Variants in PRR16 observed in about 807,000 individuals in gnomAD.
PRR16 encodes the protein proline rich 16, also known as protein Largen.
In PRR16, 6 loss-of-function variants were observed where a neutral mutation model predicts 18.2. The ratio of observed to expected loss-of-function variants is 0.33; its 90% CI spans 0.18 to 0.65. The LOEUF (loss-of-function observed/expected upper bound fraction) is 0.65, where lower values mean the gene tolerates loss of function less well. PRR16 is among the 30% of genes least tolerant of loss of function. The probability of loss-of-function intolerance (pLI) is 0.74; values close to 1 mark genes in which losing one functional copy is unlikely to be tolerated. For missense variants in PRR16, 412 were observed against 376.6 expected (o/e 1.09, Z -0.78); for synonymous variants, 151 against 147.8 (o/e 1.02, Z -0.16).
chr5:120,745,453 T>A, the PRR16 span, among the ~76,000 whole-genome samples: 3 of 152,140 alleles, frequency 2.0e-5, no homozygotes, highest in Non-Finnish European at 4.4e-5. Flanking sequence ...TTTAGCAGAT[T>A]TTTTCAGGAT....
At chr5:120,766,467 T>A in the PRR16 span, among the ~76,000 whole-genome samples, 1 of 151,864 alleles carries the variant, frequency 6.6e-6, no homozygotes, top group African/African-American at 2.4e-5. Flanking sequence ...ATGCACATAG[T>A]TTTGACACAC....
chr5:120,480,064 C>G (rs1023599443), intron 1 of PRR16, among the ~76,000 whole-genome samples: 1 of 152,182 alleles, frequency 6.6e-6, no homozygotes, highest in African/African-American at 2.4e-5. Flanking sequence ...GATACTGAAA[C>G]CTTATTCATA....
intron 1 of PRR16, among the ~76,000 whole-genome samples, chr5:120,612,593 T>G (rs1049422133): frequency 1.3e-5 from 2 of 152,256 alleles, no homozygotes; most frequent in East Asian, 3.9e-4. Flanking sequence ...GCCACCACCA[T>G]GTAAGAAGTG....
At chr5:120,737,006 TAG>T in the PRR16 span, among the ~76,000 whole-genome samples, 2 of 152,162 alleles carry the variant, frequency 1.3e-5, no homozygotes, top group African/African-American at 4.8e-5. Flanking sequence ...GAGAGATCTT[TAG>T]AGTGTTCTAC....
chr5:120,532,384 C>T (rs1404421210), intron 1 of PRR16, among the ~76,000 whole-genome samples: 2 of 151,878 alleles, frequency 1.3e-5, no homozygotes, highest in African/African-American at 2.4e-5. Flanking sequence ...AGTTTATGGG[C>T]TAGCTTTTAT....
chr5:120,715,713 A>G, the PRR16 span, among the ~76,000 whole-genome samples: 3 of 152,090 alleles, frequency 2.0e-5, no homozygotes, highest in Middle Eastern at 3.2e-3. Context: ...TTAAACTGGT[A>G]TTTTTCTTTT....
the PRR16 span, among the ~76,000 whole-genome samples, chr5:120,736,622 C>A: frequency 3.3e-5 from 4 of 121,284 alleles, no homozygotes; most frequent in Non-Finnish European, 5.0e-5. Context: ...TCTATTTCTG[C>A]AAAAACTGTC....
At chr5:120,571,242 C>A (rs1580737113) in intron 1 of PRR16, among the ~76,000 whole-genome samples, 2 of 152,018 alleles carry the variant, frequency 1.3e-5, no homozygotes, top group Non-Finnish European at 2.9e-5. Context: ...ATGTGCATTG[C>A]TTTAGTTTTT....
chr5:120,644,431 T>A (rs546359805), intron 1 of PRR16, among the ~76,000 whole-genome samples: 18 of 152,246 alleles, frequency 1.2e-4, no homozygotes, highest in Admixed American at 9.8e-4. Flanking sequence ...TTAATTTTGT[T>A]CATATTCTTA....
At chr5:120,560,453 C>T (rs563201902) in intron 1 of PRR16, among the ~76,000 whole-genome samples, 28 of 151,852 alleles carry the variant, frequency 1.8e-4, no homozygotes, top group East Asian at 7.7e-4. Flanking sequence ...GATTTGCACA[C>T]GTTGAACCAT....
intron 1 of PRR16, among the ~76,000 whole-genome samples, chr5:120,470,208 C>A (rs949473541): frequency 3.9e-5 from 6 of 152,050 alleles, no homozygotes; most frequent in Admixed American, 6.6e-5. Flanking sequence ...GTCGCTGATT[C>A]AACTCTGATT....
At chr5:120,754,782 A>C in the PRR16 span, among the ~76,000 whole-genome samples, 1 of 150,088 alleles carries the variant, frequency 6.7e-6, no homozygotes, top group Non-Finnish European at 1.5e-5. Flanking sequence ...ACTTTTCTTT[A>C]TTGCTAACTC....
At chr5:120,754,474 T>TATTATATAATATA in the PRR16 span, among the ~76,000 whole-genome samples, 1 of 91,824 alleles carries the variant, frequency 1.1e-5, no homozygotes, top group African/African-American at 4.5e-5. Context: ...ATATAGTATA[T>TATTATATAATATA]ATTATATAAT....
chr5:120,640,898 T>C (rs1259518743), intron 1 of PRR16, among the ~76,000 whole-genome samples: 5 of 152,164 alleles, frequency 3.3e-5, no homozygotes, highest in Non-Finnish European at 5.9e-5. Flanking sequence ...TTCTGTGACT[T>C]GGCAGTCTGT....
At position 120,539,869 on chromosome 5, in the gene PRR16, T is replaced by C. The variant is rs1034890951; in HGVS notation, c.159+75224T>C. Reference sequence around the variant, plus strand: ...CTTTTTTTTGGATGAGTAGTTAACATGTGTAATGGTAGAGATGACCGAGTC... The same window carrying C: ...CTTTTTTTTGGATGAGTAGTTAACACGTGTAATGGTAGAGATGACCGAGTC... On this transcript the variant is annotated intron_variant, in intron 1 of 1. Coordinates refer to ENST00000407149, the MANE Select transcript of PRR16 (RefSeq NM_001300783.2). 4.6e-5 allele frequency among the ~76,000 whole-genome samples: 7 copies of C among 152,164 alleles called. No individual in the cohort carries two copies. In the East Asian group the frequency reaches 1.2e-3, roughly 25 times the overall value.
chr5:120,464,331 G>T lies in PRR16; in HGVS notation c.-156G>T. On this transcript the variant is annotated 5_prime_UTR_variant, in exon 1 of 2. Transcript: ENST00000407149. ...TGGCAGCACCACTGTGCGGCCGCCC[G>T]GCCGAGCGCGGAGCGCAGCCACTCG... is the stretch of plus-strand genomic sequence containing the variant. 1.3e-6 allele frequency: 1 copy of T among 754,772 alleles called. No homozygotes were observed. The highest frequency in any genetic ancestry group is 1.9e-6 in the Non-Finnish European group (1 of 528,612). The allele number at this position is 754,772 out of a possible 1,614,324, so 46.8% of individuals were successfully genotyped here.
At chr5:120,659,750 C>A (rs915602661) in intron 1 of PRR16, among the ~76,000 whole-genome samples, 1 of 151,932 alleles carries the variant, frequency 6.6e-6, no homozygotes, top group Non-Finnish European at 1.5e-5. Context: ...TGAACGGCAG[C>A]TTGGCTAAGT....
chr5:120,717,155 A>G, the PRR16 span, among the ~76,000 whole-genome samples: 1 of 152,302 alleles, frequency 6.6e-6, no homozygotes, highest in African/African-American at 2.4e-5. Context: ...TTCTACACTA[A>G]TAATTTGGAA....
chr5:120,774,477 T>C, the PRR16 span, among the ~76,000 whole-genome samples: 1 of 152,138 alleles, frequency 6.6e-6, no homozygotes, highest in Non-Finnish European at 1.5e-5. Flanking sequence ...ACGGGGGCAA[T>C]TTTAACTTCT....
Sources: gnomAD v4.1 joint callset for allele counts (sites outside exome capture counted in the v4.1 genomes callset) on GRCh38, gnomAD v4.1.1 for gene constraint, MANE v1.5 for transcripts, NCBI Gene and HGNC (gene_info 2026-07-23, HGNC 2026-07-21) for gene names.